ATP8A2: variants seen among roughly 807,000 people sequenced by gnomAD.
The protein encoded by ATP8A2 is phospholipid-transporting ATPase IB.
A neutral mutation model predicts 165.6 loss-of-function variants in ATP8A2; 100 were observed. The ratio of observed to expected loss-of-function variants is 0.60; its 90% CI spans 0.51 to 0.71. ATP8A2 has a LOEUF of 0.71. Ranked by LOEUF, ATP8A2 falls within the 30% of genes least tolerant of loss-of-function variation. ATP8A2 has a pLI of 0.00. For missense variants in ATP8A2, 1,227 were observed against 1,479.5 expected, an observed-to-expected ratio of 0.83 and a Z score of 2.80; for synonymous variants, 543 against 548.8, an observed-to-expected ratio of 0.99 and a Z score of 0.15.
At chr13:25,522,144 C>G (rs1475555748) in intron 2 of ATP8A2, among the ~76,000 whole-genome samples, 1 of 152,152 alleles carries the variant, frequency 6.6e-6, no homozygotes, top group Non-Finnish European at 1.5e-5. Flanking sequence ...CAATTTATTT[C>G]ATCAGTGTAT....
chr13:25,536,185 C>T (rs994261557), intron 6 of ATP8A2, among the ~76,000 whole-genome samples: 3 of 152,070 alleles, frequency 2.0e-5, no homozygotes, highest in African/African-American at 4.8e-5. Flanking sequence ...CGTCTTGGCT[C>T]ACTGCAACCT....
intron 2 of ATP8A2, among the ~76,000 whole-genome samples, chr13:25,522,774 G>A (rs762418660): frequency 6.6e-6 from 1 of 152,166 alleles, no homozygotes; most frequent in Non-Finnish European, 1.5e-5. Context: ...TGATCATGGT[G>A]AATGATGTTT....
At chr13:25,481,486 T>C (rs1566170429) in intron 2 of ATP8A2, among the ~76,000 whole-genome samples, 1 of 152,148 alleles carries the variant, frequency 6.6e-6, no homozygotes, top group East Asian at 1.9e-4. Flanking sequence ...TTTGTTCTTT[T>C]GGGAGGGTTA....
chr13:25,588,855 C>T (rs1024996378), intron 23 of ATP8A2, among the ~76,000 whole-genome samples: 6 of 152,070 alleles, frequency 3.9e-5, no homozygotes, highest in South Asian at 2.1e-4. Flanking sequence ...CTTGGAGTTG[C>T]GAGAGCCCTC....
chr13:25,502,034 A>C (rs187434033), intron 2 of ATP8A2, among the ~76,000 whole-genome samples: 1 of 152,262 alleles, frequency 6.6e-6, no homozygotes, highest in Non-Finnish European at 1.5e-5. Flanking sequence ...GAATTTATTA[A>C]CAATGCAAGT....
chr13:25,637,083 A>G (rs2041385965), intron 24 of ATP8A2, among the ~76,000 whole-genome samples: 1 of 125,716 alleles, frequency 8.0e-6, no homozygotes, highest in African/African-American at 3.3e-5. Flanking sequence ...ACAGAGCAAG[A>G]CCCTGTCTCA....
intron 35 of ATP8A2, among the ~76,000 whole-genome samples, chr13:26,002,023 CTG>C (rs767767372): frequency 6.6e-6 from 1 of 152,138 alleles, no homozygotes; most frequent in African/African-American, 2.4e-5. Flanking sequence ...AATTAACAAA[CTG>C]TAATTTATAA....
chr13:25,733,002 A>G (rs370505159), intron 25 of ATP8A2, among the ~76,000 whole-genome samples: 22 of 152,284 alleles, frequency 1.4e-4, no homozygotes, highest in African/African-American at 4.6e-4. Flanking sequence ...TTTTCCCACA[A>G]GTAAGAAAAC....
At chr13:25,675,904 A>G (rs972181185) in intron 24 of ATP8A2, among the ~76,000 whole-genome samples, 1 of 152,200 alleles carries the variant, frequency 6.6e-6, no homozygotes, top group African/African-American at 2.4e-5. Context: ...ATAGAAACCA[A>G]ATTAACATAA....
intron 1 of ATP8A2, among the ~76,000 whole-genome samples, chr13:25,454,944 A>C (rs1166932179): frequency 1.3e-5 from 2 of 152,112 alleles, no homozygotes; most frequent in Admixed American, 6.5e-5. Context: ...CAAACAAAAC[A>C]ATGGCTTTAA....
At chr13:25,557,003 A>G (rs1321622593) in intron 13 of ATP8A2, among the ~76,000 whole-genome samples, 3 of 152,116 alleles carry the variant, frequency 2.0e-5, no homozygotes, top group Admixed American at 1.3e-4. Flanking sequence ...TCTTTCCTCG[A>G]GGATAGAGTG....
At chr13:25,636,908 C>T (rs547388366) in intron 24 of ATP8A2, among the ~76,000 whole-genome samples, 3 of 151,800 alleles carry the variant, frequency 2.0e-5, no homozygotes, top group Non-Finnish European at 4.4e-5. Context: ...GCCTGGGCAA[C>T]ATAGTGAGTC....
intron 24 of ATP8A2, among the ~76,000 whole-genome samples, chr13:25,597,949 T>G (rs921376524): frequency 4.6e-5 from 7 of 152,140 alleles, no homozygotes; most frequent in African/African-American, 1.7e-4. Flanking sequence ...CTAAGAGATA[T>G]GTACTTACTC....
intron 26 of ATP8A2, among the ~76,000 whole-genome samples, chr13:25,771,697 A>G (rs905475579): frequency 6.6e-6 from 1 of 152,114 alleles, no homozygotes; most frequent in Non-Finnish European, 1.5e-5. Context: ...TGCAGCCCAC[A>G]TGTTTCTGTG....
intron 33 of ATP8A2, among the ~76,000 whole-genome samples, chr13:25,883,549 C>T (rs1375701223): frequency 6.6e-6 from 1 of 152,226 alleles, no homozygotes; most frequent in Non-Finnish European, 1.5e-5. Flanking sequence ...AGGTTCACAG[C>T]AATTCCTTCC....
At chr13:25,951,209 A>G (rs1272930373) in intron 33 of ATP8A2, among the ~76,000 whole-genome samples, 1 of 152,224 alleles carries the variant, frequency 6.6e-6, no homozygotes, top group Non-Finnish European at 1.5e-5. Flanking sequence ...CTTATTCTTA[A>G]TAATAGGCCC....
intron 35 of ATP8A2, among the ~76,000 whole-genome samples, chr13:26,011,649 A>G (rs1452852769): frequency 2.6e-5 from 4 of 152,206 alleles, no homozygotes; most frequent in Non-Finnish European, 2.9e-5. Context: ...ATAGAAATAA[A>G]CAGACTGGGC....
At chr13:25,941,986 G>A (rs762156162) in intron 33 of ATP8A2, among the ~76,000 whole-genome samples, 2 of 151,966 alleles carry the variant, frequency 1.3e-5, no homozygotes, top group African/African-American at 4.8e-5. Context: ...TGTATTCTGC[G>A]TGCATAAACC....
chr13:25,892,478 G>GTCTCTCTCTCTCTCTC (rs144283908), intron 33 of ATP8A2, among the ~76,000 whole-genome samples: 2,552 of 136,116 alleles, frequency 0.019, 118 homozygotes, highest in East Asian at 0.13. Context: ...CTGTCTCTCT[G>GTCTCTCTCTCTCTCTC]TCTCTCTCTC....
Sources: allele counts gnomAD v4.1 joint callset (sites outside exome capture counted in the v4.1 genomes callset), GRCh38; gene constraint gnomAD v4.1.1; transcripts MANE v1.5; gene names NCBI Gene and HGNC (gene_info 2026-07-23, HGNC 2026-07-21).